The following NPL variants were observed in gnomAD, a reference collection of about 807,000 sequenced individuals.
NPL encodes N-acetylneuraminate lyase.
NPL carries 32 observed loss-of-function variants against 41.1 expected under a neutral mutation model. The observed-to-expected ratio is 0.78, with a 90% CI of 0.59 to 1.05. NPL has a LOEUF of 1.05. NPL is among the 50% of genes least tolerant of loss of function. The pLI, the probability that NPL is intolerant of heterozygous loss-of-function variation, is 0.00. For missense variants in NPL, 321 were observed against 378.4 expected, an observed-to-expected ratio of 0.85 and a Z score of 1.26; for synonymous variants, 128 against 134.9, an observed-to-expected ratio of 0.95 and a Z score of 0.35.
chr1:182,792,994 G>T (rs998707976), intron 2 of NPL, among the ~76,000 whole-genome samples: 1 of 152,198 alleles, frequency 6.6e-6, no homozygotes. Context: ...TTGCATTTTT[G>T]AATGTGCCAG....
intron 5 of NPL, chr1:182,809,207 A>C: frequency 2.2e-6 from 1 of 452,002 alleles, no homozygotes. Context: ...TAAGTTGGGG[A>C]CCATCCGCAC....
intron 5 of NPL, among the ~76,000 whole-genome samples, chr1:182,806,869 T>A (rs1382322512): frequency 6.6e-6 from 1 of 152,132 alleles, no homozygotes; most frequent in African/African-American, 2.4e-5. Context: ...TGAGACGGAG[T>A]CTTGCTCTGT....
intron 5 of NPL, among the ~76,000 whole-genome samples, chr1:182,807,747 C>T (rs920414947): frequency 7.4e-5 from 11 of 149,032 alleles, no homozygotes; most frequent in African/African-American, 2.2e-4. Context: ...AAAAATTAGC[C>T]AGGCATGGTG....
intron 4 of NPL, 73 bp from the exon 5 acceptor site, chr1:182,806,072 T>C (rs1348534374): frequency 1.3e-6 from 2 of 1,582,402 alleles, no homozygotes; most frequent in East Asian, 4.5e-5. Flanking sequence ...TTTCTGACCC[T>C]GCACTTTCAG....
At chr1:182,803,598 A>T in intron 3 of NPL, 100 bp from the exon 4 acceptor site, 1 of 796,126 alleles carries the variant, frequency 1.3e-6, no homozygotes, top group Non-Finnish European at 2.2e-6. Context: ...GTGGATTTTT[A>T]ATAACTATTA....
At chr1:182,795,016 G>A (rs890035162) in intron 3 of NPL, among the ~76,000 whole-genome samples, 3 of 152,144 alleles carry the variant, frequency 2.0e-5, no homozygotes, top group Non-Finnish European at 1.5e-5. Flanking sequence ...ACAACAGTCC[G>A]TTGTTGACTA....
At chr1:182,801,002 T>C (rs1483009333) in intron 3 of NPL, among the ~76,000 whole-genome samples, 1 of 152,112 alleles carries the variant, frequency 6.6e-6, no homozygotes, top group African/African-American at 2.4e-5. Flanking sequence ...AGTGCTGAGA[T>C]TACAGGCATG....
chr1:182,805,760 C>A (rs190727940), intron 4 of NPL, among the ~76,000 whole-genome samples: 1 of 152,098 alleles, frequency 6.6e-6, no homozygotes, highest in Non-Finnish European at 1.5e-5. Flanking sequence ...CAAAAGCACC[C>A]GCATGAGTAA....
At chr1:182,814,508 A>T (rs1037345996) in intron 6 of NPL, among the ~76,000 whole-genome samples, 1 of 152,252 alleles carries the variant, frequency 6.6e-6, no homozygotes, top group Non-Finnish European at 1.5e-5. Context: ...ATAACTTATC[A>T]AAATGAACCA....
intron 6 of NPL, 94 bp downstream of exon 6, chr1:182,812,307 T>TG (rs1667200649): frequency 9.3e-7 from 1 of 1,069,716 alleles, no homozygotes; most frequent in African/African-American, 1.6e-5. Flanking sequence ...ATGTAGTAGA[T>TG]GGTGTGCCTG....
chr1:182,825,827 GC>G lies in NPL; in HGVS notation c.778+9del. On this transcript the variant is annotated splice_region_variant and intron_variant, in intron 12 of 12. Transcript: ENST00000367553. The stretch of plus-strand genomic sequence containing the variant: ...AACTTTGTTGTCAAACTAGGTAAGT[GC>G]CACCCATCTTCTGCTTTGTCTGCTG... The G allele has an allele frequency of 6.3e-7, 1 of 1,599,144 alleles. No individual in the cohort carries two copies.
At chr1:182,802,638 T>G (rs1370182096) in intron 3 of NPL, among the ~76,000 whole-genome samples, 2 of 152,210 alleles carry the variant, frequency 1.3e-5, no homozygotes, top group Non-Finnish European at 2.9e-5. Context: ...TGTAACCATT[T>G]AATGCAGGCT....
intron 4 of NPL, among the ~76,000 whole-genome samples, chr1:182,805,274 A>G (rs1266465232): frequency 6.6e-6 from 1 of 152,182 alleles, no homozygotes; most frequent in Non-Finnish European, 1.5e-5. Flanking sequence ...TACTAAAAAT[A>G]CAAAAACTTA....
intron 5 of NPL, among the ~76,000 whole-genome samples, chr1:182,808,670 C>T (rs111443747): frequency 2.5e-4 from 38 of 152,148 alleles, no homozygotes; most frequent in African/African-American, 8.4e-4. Context: ...ACTGGTAAAC[C>T]TTGGCTGGGT....
chr1:182,809,021 G>A (rs559872458), intron 5 of NPL, among the ~76,000 whole-genome samples: 55 of 151,540 alleles, frequency 3.6e-4, no homozygotes, highest in Admixed American at 3.0e-3. Context: ...TGGATAGGGG[G>A]ATTTGGCTAG....
intron 8 of NPL, among the ~76,000 whole-genome samples, 196 bp from the exon 9 acceptor site, chr1:182,818,345 C>T (rs1667391806): frequency 6.6e-6 from 1 of 152,190 alleles, no homozygotes; most frequent in African/African-American, 2.4e-5. Flanking sequence ...CTACTGCCTT[C>T]AAGGAATGGG....
intron 3 of NPL, among the ~76,000 whole-genome samples, chr1:182,795,261 TCTC>T (rs1666627336): frequency 6.6e-6 from 1 of 152,158 alleles, no homozygotes; most frequent in South Asian, 2.1e-4. Flanking sequence ...TATTTAAGCT[TCTC>T]CTTTCTTTCT....
At chr1:182,814,110 C>T (rs986407654) in intron 6 of NPL, among the ~76,000 whole-genome samples, 1 of 152,236 alleles carries the variant, frequency 6.6e-6, no homozygotes, top group Non-Finnish European at 1.5e-5. Context: ...GTGCCCAGCA[C>T]CATGATTGAC....
intron 5 of NPL, among the ~76,000 whole-genome samples, chr1:182,808,019 A>G (rs1667072665): frequency 1.3e-5 from 2 of 152,026 alleles, no homozygotes; most frequent in South Asian, 4.1e-4. Context: ...GAAGAGAATG[A>G]TTTCAGAGAC....
Sources: gnomAD v4.1 joint callset for allele counts (sites outside exome capture counted in the v4.1 genomes callset) on GRCh38, gnomAD v4.1.1 for gene constraint, MANE v1.5 for transcripts, NCBI Gene and HGNC (gene_info 2026-07-23, HGNC 2026-07-21) for gene names.